The following PARP9 variants were observed in gnomAD, a reference collection of about 807,000 sequenced individuals.
PARP9 encodes the protein protein mono-ADP-ribosyltransferase PARP9.
Under a neutral mutation model 68.8 loss-of-function variants are expected in PARP9, and 48 were observed. That is an observed-to-expected ratio of 0.70 (90% CI 0.55 to 0.89). The LOEUF (loss-of-function observed/expected upper bound fraction) is 0.89, where lower values mean the gene tolerates loss of function less well. PARP9 is among the 40% of genes least tolerant of loss of function. The pLI, the probability that PARP9 is intolerant of heterozygous loss-of-function variation, is 0.00. For missense variants in PARP9, 806 were observed against 969.3 expected (o/e 0.83, Z 2.24); for synonymous variants, 309 against 333.8 (o/e 0.93, Z 0.81).
chr3:122,538,331 T>C (rs1453048595), intron 8 of PARP9, among the ~76,000 whole-genome samples: 1 of 152,194 alleles, frequency 6.6e-6, no homozygotes, highest in Non-Finnish European at 1.5e-5. Context: ...CCGTTGGAAA[T>C]GCCTACCAGG....
At position 122,556,010 on chromosome 3, in the gene PARP9, A is replaced by C. The variant is rs563314388; in HGVS notation, c.161T>G (p.Phe54Cys). The C allele has an allele frequency of 6.2e-7, 1 of 1,613,892 alleles. No individual in the cohort carries two copies. The highest frequency in any genetic ancestry group is 8.5e-7 in the Non-Finnish European group (1 of 1,179,990). The change falls in exon 4 of 11, where the codon TTT becomes TGT. Residue 54 changes from phenylalanine to cysteine, a missense_variant. Phe to Cys is a radical substitution (Grantham distance 205, BLOSUM62 -2). Transcript: ENST00000682323. The part of the protein sequence containing the change: ...RQLCEVLQNK[F>C]GCISTLVSPV... ...AGAGACCAGGGTAGAGATACAGCCA[A>C]ACTTATTCTGGAGGACTTCACACAG...
chr3:122,542,972 T>C (rs191640289), intron 7 of PARP9, among the ~76,000 whole-genome samples: 1 of 152,254 alleles, frequency 6.6e-6, no homozygotes, highest in Non-Finnish European at 1.5e-5. Flanking sequence ...AGTGGCACAA[T>C]CTCAGCTCAC....
At chr3:122,539,553 T>TCTCCC (rs2077991475) in intron 8 of PARP9, among the ~76,000 whole-genome samples, 1 of 71,008 alleles carries the variant, frequency 1.4e-5, no homozygotes, top group African/African-American at 4.4e-5. Flanking sequence ...CTTTCTTTCT[T>TCTCCC]TCTTTCTTTC....
At chr3:122,547,763 G>C (rs547882807) in intron 6 of PARP9, among the ~76,000 whole-genome samples, 11 of 152,190 alleles carry the variant, frequency 7.2e-5, no homozygotes, top group Middle Eastern at 3.4e-3. Flanking sequence ...TGAGATGGGA[G>C]GATTGCTTGA....
chr3:122,540,848 G>C lies in PARP9; in HGVS notation c.1389C>G (p.Pro463=), dbSNP rs756098453. Residue 463 remains proline, a synonymous_variant, in exon 8 of 11, where the codon CCC becomes CCG. Coordinates refer to ENST00000682323, the MANE Select transcript of PARP9 (RefSeq NM_001146105.2). The part of the protein sequence containing the change: ...KMLSLNNYSV[P]QSTREEKREN... ...CTCTTTTCTCCTCTCTGGTTGACTG[G>C]GGGACTGAAATGACTATAATAAGCA... 1 of 1,612,358 alleles carries C rather than the reference G, an allele frequency of 6.2e-7. No individual in the cohort carries two copies. The highest frequency in any genetic ancestry group is 1.1e-5 in the South Asian group (1 of 90,936).
chr3:122,539,508 T>C (rs988913317), intron 8 of PARP9, among the ~76,000 whole-genome samples: 2 of 5,244 alleles, frequency 3.8e-4, no homozygotes, highest in Admixed American at 1.1e-3. Context: ...CAAGATGGCA[T>C]TTCTTTCTTT....
rs151012219 is a variant in PARP9 at position 122,528,437 on chromosome 3, T to G, written c.2387A>C (p.Tyr796Ser). Residue 796 changes from tyrosine to serine, a missense_variant, in exon 11 of 11, where the codon TAC (tyrosine) becomes TCC (serine). Around this residue, in one of 2 missense-constraint regions of PARP9, gnomAD observed 680 missense variants for 858.8 expected, o/e 0.79. Transcript: ENST00000682323. Reference sequence around the variant, plus strand: ...AAAGGGTCTCATTGGTCCTGATGAGTAATCTTGTGACTGTACATATTCCTG... The same window carrying G: ...AAAGGGTCTCATTGGTCCTGATGAGGAATCTTGTGACTGTACATATTCCTG... The part of the protein sequence containing the change: ...CTQEYVQSQD[Y>S]SSGPMRPFAQ... 7.0e-5 allele frequency: 113 copies of G among 1,614,188 alleles called. No individual in the cohort carries two copies. In the African/African-American group the frequency reaches 1.4e-3, roughly 19 times the overall value.
intron 1 of PARP9, 81 bp downstream of exon 1, chr3:122,564,164 C>T: frequency 2.1e-6 from 1 of 480,358 alleles, no homozygotes; most frequent in Non-Finnish European, 3.7e-6. Flanking sequence ...CCCGGGTCCG[C>T]GCCCGTCCCC....
chr3:122,542,624 C>T (rs536573571), intron 7 of PARP9, among the ~76,000 whole-genome samples: 5 of 151,686 alleles, frequency 3.3e-5, no homozygotes, highest in South Asian at 2.1e-4. Flanking sequence ...GGATTACAGG[C>T]GCCCACCACC....
chr3:122,552,766 C>A, intron 4 of PARP9, 127 bp from the exon 5 acceptor site: 1 of 669,120 alleles, frequency 1.5e-6, no homozygotes, highest in South Asian at 2.1e-5. Flanking sequence ...TAAAAAATTT[C>A]ATTAATAATG....
chr3:122,537,744 G>C (rs2077759282), intron 8 of PARP9, among the ~76,000 whole-genome samples: 1 of 152,008 alleles, frequency 6.6e-6, no homozygotes, highest in Non-Finnish European at 1.5e-5. Context: ...AAGAGTCTAT[G>C]ATGTCTTGTT....
intron 10 of PARP9, among the ~76,000 whole-genome samples, chr3:122,530,614 G>A (rs1002715902): frequency 6.6e-6 from 1 of 152,090 alleles, no homozygotes; most frequent in Non-Finnish European, 1.5e-5. Flanking sequence ...ACCTCACTTA[G>A]AGGGAAAAAA....
At chr3:122,564,517 C>G, upstream of PARP9, 1 of 1,612,474 alleles carries the variant, frequency 6.2e-7, no homozygotes, top group Non-Finnish European at 8.5e-7. Context: ...GAGCTACTTC[C>G]AGAGCTCTAA....
intron 3 of PARP9, 58 bp downstream of exon 3, chr3:122,558,376 T>A (rs780908814): frequency 1.2e-6 from 2 of 1,614,132 alleles, no homozygotes; most frequent in Non-Finnish European, 1.7e-6. Context: ...CTTTCTCCAC[T>A]GAGGAAAGAT....
chr3:122,530,984 A>T (rs1004201843), intron 10 of PARP9, among the ~76,000 whole-genome samples: 5 of 152,236 alleles, frequency 3.3e-5, no homozygotes, highest in South Asian at 2.1e-4. Flanking sequence ...ACATTTTTTT[A>T]AAAAAGGTGA....
At chr3:122,529,965 T>C (rs951572074) in intron 10 of PARP9, among the ~76,000 whole-genome samples, 1 of 151,442 alleles carries the variant, frequency 6.6e-6, no homozygotes, top group South Asian at 2.1e-4. Flanking sequence ...CCAAAGTGGG[T>C]GGATCGCTTA....
intron 3 of PARP9, 87 bp downstream of exon 3, chr3:122,558,347 G>A (rs753162802): frequency 1.9e-6 from 3 of 1,614,116 alleles, no homozygotes; most frequent in Non-Finnish European, 2.5e-6. Flanking sequence ...TTGTAGGGGA[G>A]ACATTCTTCT....
intron 7 of PARP9, among the ~76,000 whole-genome samples, chr3:122,545,226 C>T (rs1401169120): frequency 6.6e-6 from 1 of 152,170 alleles, no homozygotes; most frequent in African/African-American, 2.4e-5. Flanking sequence ...GCAACTCAAC[C>T]TTCCTCTGTT....
intron 10 of PARP9, chr3:122,532,440 A>G (rs994561395): frequency 2.0e-5 from 20 of 983,512 alleles, no homozygotes; most frequent in Middle Eastern, 5.2e-4. Flanking sequence ...AGGGGCAAAC[A>G]TTGCAGGAAC....
Sources: gnomAD v4.1 joint callset for allele counts (sites outside exome capture counted in the v4.1 genomes callset) on GRCh38, gnomAD v4.1.1 for gene constraint, gnomAD v4.1.1 regional missense constraint, MANE v1.5 for transcripts, NCBI Gene and HGNC (gene_info 2026-07-23, HGNC 2026-07-21) for gene names.